The following MAPKAPK5 variants were observed in gnomAD, a reference collection of about 807,000 sequenced individuals.
MAPKAPK5 encodes the protein MAPK activated protein kinase 5.
Under a neutral mutation model 65.1 loss-of-function variants are expected in MAPKAPK5, and 30 were observed. The ratio of observed to expected loss-of-function variants is 0.46; its 90% confidence interval spans 0.34 to 0.63. The LOEUF is 0.63. MAPKAPK5 is among the 20% of genes least tolerant of loss of function. The pLI, the probability that MAPKAPK5 is intolerant of heterozygous loss-of-function variation, is 0.01. For synonymous variants in MAPKAPK5, 179 were observed against 204.6 expected, an observed-to-expected ratio of 0.87 and a Z score of 1.07; for missense variants, 433 against 581.4, an observed-to-expected ratio of 0.74 and a Z score of 2.63.
chr12:111,862,652 A>G (rs2136098773), intron 1 of MAPKAPK5, among the ~76,000 whole-genome samples: 1 of 152,276 alleles, frequency 6.6e-6, no homozygotes, highest in South Asian at 2.1e-4. Context: ...AGATCACGCC[A>G]TTGTGCTCCA....
At chr12:111,857,887 TTTTG>T (rs1444738423) in intron 1 of MAPKAPK5, among the ~76,000 whole-genome samples, 1 of 151,942 alleles carries the variant, frequency 6.6e-6, no homozygotes, top group African/African-American at 2.4e-5. Flanking sequence ...CAGTGTTTTT[TTTTG>T]TGTGTGTGTG....
intron 1 of MAPKAPK5, among the ~76,000 whole-genome samples, chr12:111,862,768 ACT>A (rs2069483845): frequency 6.6e-6 from 1 of 152,126 alleles, no homozygotes. Flanking sequence ...GGGCATATGA[ACT>A]CTGATTATAA....
At chr12:111,870,425 T>G in intron 6 of MAPKAPK5, 65 bp downstream of exon 6, 1 of 1,320,604 alleles carries the variant, frequency 7.6e-7, no homozygotes, top group South Asian at 1.3e-5. Flanking sequence ...AGTGGGTGTG[T>G]TTGGAGCGCT....
intron 1 of MAPKAPK5, among the ~76,000 whole-genome samples, chr12:111,859,436 G>A (rs1429227373): frequency 1.3e-5 from 2 of 151,660 alleles, no homozygotes; most frequent in Non-Finnish European, 1.5e-5. Flanking sequence ...CCGCCACCAC[G>A]CCCAGCTAAT....
chr12:111,853,358 C>T (rs2069143269), intron 1 of MAPKAPK5, among the ~76,000 whole-genome samples: 1 of 151,052 alleles, frequency 6.6e-6, no homozygotes, highest in Non-Finnish European at 1.5e-5. Context: ...GGTGACAGAG[C>T]GAAACTTCGT....
intron 10 of MAPKAPK5, chr12:111,888,190 C>T (rs1375335371): frequency 3.2e-6 from 1 of 313,118 alleles, no homozygotes. Flanking sequence ...CCTCTTTACA[C>T]TTCCCCTCAG....
intron 9 of MAPKAPK5, 104 bp from the exon 10 acceptor site, chr12:111,885,812 A>G (rs1212818904): frequency 1.4e-5 from 21 of 1,456,574 alleles, no homozygotes; most frequent in Non-Finnish European, 1.6e-5. Flanking sequence ...CCAGGCTTGC[A>G]GAAGTCAGAA....
At chr12:111,863,653 CT>C (rs1396358777) in intron 1 of MAPKAPK5, among the ~76,000 whole-genome samples, 15 of 148,080 alleles carry the variant, frequency 1.0e-4, no homozygotes, top group African/African-American at 3.5e-4. Context: ...GTCGCCCATG[CT>C]GGAGTGCAAT....
rs2069656753 is a variant in MAPKAPK5, at chr12:111,867,653, C to T, written c.268C>T (p.His90Tyr). 2 of 1,613,532 alleles carry T rather than the reference C, an allele frequency of 1.2e-6. No homozygotes were observed. The highest frequency in any genetic ancestry group is 1.7e-6 in the Non-Finnish European group (2 of 1,179,696). ...EVFANSVQFP[H>Y]ESSPRARLLI... ...GTTTGCTAACAGTGTCCAGTTTCCC[C>T]ATGAGTCCAGCCCTAGGTAAGACTA... The change falls in exon 4 of 14, where the codon CAT (histidine) becomes TAT (tyrosine). Residue 90 changes from histidine (H) to tyrosine (Y), a missense_variant. Physicochemically the swap from His to Tyr is moderately conservative, Grantham distance 83. Transcript: ENST00000550735.
At chr12:111,888,806 T>C (rs889132380) in intron 11 of MAPKAPK5, 79 bp from the exon 12 acceptor site, 2 of 1,556,136 alleles carry the variant, frequency 1.3e-6, no homozygotes, top group Non-Finnish European at 1.7e-6. Flanking sequence ...TCTGTTGCCT[T>C]ATGTTTAGAG....
intron 7 of MAPKAPK5, among the ~76,000 whole-genome samples, chr12:111,875,632 T>G (rs1281910354): frequency 1.3e-5 from 2 of 152,138 alleles, no homozygotes; most frequent in African/African-American, 4.8e-5. Flanking sequence ...CATGAATATC[T>G]GGTGGAAGTC....
At chr12:111,868,921 C>T in intron 5 of MAPKAPK5, 60 bp downstream of exon 5, 1 of 1,244,702 alleles carries the variant, frequency 8.0e-7, no homozygotes, top group Non-Finnish European at 1.1e-6. Flanking sequence ...AGCACAATTT[C>T]ATTGGGGGGA....
At chr12:111,888,684 T>C in intron 11 of MAPKAPK5, 66 bp downstream of exon 11, 5 of 1,587,558 alleles carry the variant, frequency 3.1e-6, no homozygotes, top group Non-Finnish European at 4.3e-6. Flanking sequence ...GTTCTGAAAT[T>C]TAAGAAATTT....
rs561620137 is a variant in MAPKAPK5, at chr12:111,889,975, C to T, written c.1217-65C>T. The stretch of plus-strand genomic sequence containing the variant: ...CCAGTTGGACATCACGTCCCTCCAT[C>T]TCTCACACTAAAACCCCATGATGCT... On this transcript the variant is annotated intron_variant, in intron 12 of 13. Coordinates refer to ENST00000550735, the MANE Select transcript of MAPKAPK5 (RefSeq NM_003668.4). 1.1e-4 allele frequency: 107 copies of T among 992,434 alleles called. No individual in the cohort carries two copies. The African/African-American group carries it at 1.4e-3, about 13-fold the overall frequency. The allele number at this position is 992,434 out of a possible 1,614,324, so 61.5% of individuals were successfully genotyped here.
chr12:111,876,178 G>A (rs2069958932), intron 7 of MAPKAPK5, among the ~76,000 whole-genome samples: 1 of 140,414 alleles, frequency 7.1e-6, no homozygotes, highest in Non-Finnish European at 1.5e-5. Context: ...TTGCACTCCA[G>A]CCTGGTGACA....
At chr12:111,892,622 A>G (rs971123991) in intron 13 of MAPKAPK5, among the ~76,000 whole-genome samples, 4 of 151,334 alleles carry the variant, frequency 2.6e-5, no homozygotes, top group African/African-American at 9.7e-5. Context: ...TCTTTTGCCC[A>G]TTTTTTTTCA....
rs2070304779 is a variant in MAPKAPK5, at chr12:111,883,445, CTTTCCTAGT to C, written c.661-135_661-127del. 1 of 656,238 alleles carries C rather than the reference CTTTCCTAGT, an allele frequency of 1.5e-6. No individual in the cohort carries two copies. The highest frequency in any genetic ancestry group is 2.6e-6 in the Non-Finnish European group (1 of 383,894). The allele number at this position is 656,238 out of a possible 1,614,324, so 40.7% of individuals were successfully genotyped here. A position where few individuals can be genotyped will look rare whatever the true frequency, so the allele number is the denominator to read the frequency against. On this transcript the variant is annotated intron_variant, in intron 8 of 13. Coordinates refer to ENST00000550735, the MANE Select transcript of MAPKAPK5 (RefSeq NM_003668.4). This position sits in a 1 kb window ranked among gnomAD's most constrained non-coding sequence, Gnocchi z 4.8. Reference sequence around the variant, plus strand: ...CTAGTTCTCCTAAGACTTCCTTCAGCTTTCCTAGTCTCTGTTAAGTGACTCTAGTTTATA... The same window carrying C: ...CTAGTTCTCCTAAGACTTCCTTCAGCCTCTGTTAAGTGACTCTAGTTTATA...
rs952184997 is a variant in MAPKAPK5, at chr12:111,865,297, G to A, written c.84G>A (p.Leu28=). The change falls in exon 2 of 14, where the codon CTG becomes CTA. Residue 28 remains leucine (L), a synonymous_variant. Transcript: ENST00000550735. ...ACAGTATCAATTGGACTCAGAAGCT[G>A]GGAGCTGGAATTAGTGGTCCAGTTA... ...EEYSINWTQK[L]GAGISGPVRV... 1.3e-6 allele frequency: 2 copies of A among 1,593,416 alleles called. No individual in the cohort carries two copies. The highest frequency in any genetic ancestry group is 1.3e-5 in the African/African-American group (1 of 74,562).
chr12:111,863,817 G>T (rs1366365896), intron 1 of MAPKAPK5, among the ~76,000 whole-genome samples: 1 of 152,024 alleles, frequency 6.6e-6, no homozygotes, highest in Non-Finnish European at 1.5e-5. Flanking sequence ...TGTTGGTCAG[G>T]CTGGTCTTGA....
Sources: gnomAD v4.1 joint callset for allele counts (sites outside exome capture counted in the v4.1 genomes callset) on GRCh38, gnomAD v4.1.1 for gene constraint, Gnocchi (gnomAD v3.1) non-coding constraint, MANE v1.5 for transcripts, NCBI Gene and HGNC (gene_info 2026-07-23, HGNC 2026-07-21) for gene names.